Variants in ASAP1 observed in about 807,000 individuals in gnomAD.
The protein encoded by ASAP1 is arf-GAP with SH3 domain, ANK repeat and PH domain-containing protein 1.
A neutral mutation model predicts 145.2 loss-of-function variants in ASAP1; 43 were observed. The observed-to-expected ratio is 0.30, with a 90% CI of 0.23 to 0.38. ASAP1 has a LOEUF of 0.38. Ranked by LOEUF, ASAP1 falls within the 10% of genes least tolerant of loss-of-function variation. The pLI is 1.00. For synonymous variants in ASAP1, 546 were observed against 515.5 expected, an observed-to-expected ratio of 1.06 and a Z score of -0.80; for missense variants, 1,018 against 1,355.3, an observed-to-expected ratio of 0.75 and a Z score of 3.91.
intron 7 of ASAP1, among the ~76,000 whole-genome samples, chr8:130,186,073 T>C (rs1242284499): frequency 6.6e-6 from 1 of 152,170 alleles, no homozygotes; most frequent in Non-Finnish European, 1.5e-5. Flanking sequence ...TTCTAAGTAC[T>C]TAATTCTATT....
chr8:130,419,977 A>T (rs1390538047), intron 1 of ASAP1, among the ~76,000 whole-genome samples: 4 of 147,162 alleles, frequency 2.7e-5, no homozygotes, highest in African/African-American at 1.0e-4. Context: ...TTTAATAGAG[A>T]TGGGGGTCTT....
intron 3 of ASAP1, among the ~76,000 whole-genome samples, chr8:130,290,325 G>A (rs1361081170): frequency 2.0e-5 from 3 of 152,160 alleles, no homozygotes; most frequent in Non-Finnish European, 4.4e-5. Context: ...GATGGTTCAG[G>A]TGAAACAGCA....
intron 3 of ASAP1, among the ~76,000 whole-genome samples, chr8:130,280,186 G>A (rs1005084859): frequency 2.0e-5 from 3 of 152,176 alleles, no homozygotes; most frequent in Non-Finnish European, 2.9e-5. Context: ...GAACAAAGAT[G>A]ATTTTACCAG....
intron 3 of ASAP1, among the ~76,000 whole-genome samples, chr8:130,316,128 TC>T (rs1823648868): frequency 6.6e-6 from 1 of 152,246 alleles, no homozygotes; most frequent in Admixed American, 6.5e-5. Context: ...TTTTCTACTG[TC>T]TGTTCCCATC....
intron 3 of ASAP1, among the ~76,000 whole-genome samples, chr8:130,351,936 T>C (rs1011937904): frequency 6.6e-6 from 1 of 152,210 alleles, no homozygotes; most frequent in East Asian, 1.9e-4. Flanking sequence ...AGTTCCAACA[T>C]ATACAATTTC....
chr8:130,121,402 C>G (rs1482767151), intron 18 of ASAP1, among the ~76,000 whole-genome samples: 1 of 152,254 alleles, frequency 6.6e-6, no homozygotes, highest in Middle Eastern at 3.4e-3. Context: ...AGCACCTGTC[C>G]AAGTCATGAC....
chr8:130,108,964 G>T (rs572099826), intron 24 of ASAP1, among the ~76,000 whole-genome samples: 105 of 151,670 alleles, frequency 6.9e-4, no homozygotes, highest in Non-Finnish European at 1.2e-3. Context: ...TAGTAGAGAC[G>T]GGGTTTCTCC....
rs564002800 is a variant in ASAP1, at chr8:130,101,151, A to G, written c.2402-9008T>C. On this transcript the variant is annotated intron_variant, in intron 24 of 29. Transcript: ENST00000518721. ...TCCACTGGTCTATGCATTTGTTTTT[A>G]CACCAATACAAAGCTGTTCTGGTTA... Among the ~76,000 whole-genome samples, 9 of 152,322 alleles carry G rather than the reference A, an allele frequency of 5.9e-5. No individual in the cohort carries two copies. The South Asian group carries it at 1.4e-3, about 25-fold the overall frequency.
chr8:130,234,226 C>T (rs1057224960), intron 4 of ASAP1, among the ~76,000 whole-genome samples: 3 of 152,100 alleles, frequency 2.0e-5, no homozygotes, highest in Non-Finnish European at 4.4e-5. Flanking sequence ...CAATATGGCA[C>T]CCACTAGTCA....
At chr8:130,117,882 G>A (rs886631503) in intron 20 of ASAP1, among the ~76,000 whole-genome samples, 15 of 152,282 alleles carry the variant, frequency 9.9e-5, no homozygotes, top group Middle Eastern at 3.4e-3. Context: ...GCCATATCTG[G>A]TTCACTGTCT....
rs569689167 is a variant in ASAP1 at position 130,425,983 on chromosome 8, C to T, written c.-28+17477G>A. On this transcript the variant is annotated intron_variant, in intron 1 of 29. Coordinates refer to ENST00000518721, the MANE Select transcript of ASAP1 (RefSeq NM_018482.4). ...TGCTTCCACTCTCACCAGCATTAAG[C>T]ATTTGCAGACAGCAAATACTGCTTG... is the stretch of plus-strand genomic sequence containing the variant. 8.5e-5 allele frequency among the ~76,000 whole-genome samples: 13 copies of T among 152,338 alleles called. No individual in the cohort carries two copies. The South Asian group carries it at 1.0e-3, about 12-fold the overall frequency.
At chr8:130,291,813 C>T (rs1158105708) in intron 3 of ASAP1, among the ~76,000 whole-genome samples, 1 of 152,156 alleles carries the variant, frequency 6.6e-6, no homozygotes, top group Non-Finnish European at 1.5e-5. Context: ...TTAAAGTTCT[C>T]CAAACTGTGG....
chr8:130,162,767 G>A (rs1192026747), intron 11 of ASAP1, among the ~76,000 whole-genome samples: 1 of 150,630 alleles, frequency 6.6e-6, no homozygotes, highest in East Asian at 2.0e-4. Context: ...GCAGTGAACC[G>A]AGATTGCGCC....
Position 130,360,514 on chromosome 8 carries a change from A to T in ASAP1, c.60-2371T>A, listed in dbSNP as rs1826661508. ...GCACTGTGCCTCCAGCGAGATGCTC[A>T]TCAATGTCCTCTAAGAGGCCATGCT... On this transcript the variant is annotated intron_variant, in intron 2 of 29. Transcript: ENST00000518721. Among the ~76,000 whole-genome samples the T allele has an allele frequency of 3.3e-5, 5 of 152,232 alleles. No individual in the cohort carries two copies. The South Asian group carries it at 1.0e-3, about 32-fold the overall frequency.
chr8:130,150,954 A>C (rs1029538217), intron 13 of ASAP1, among the ~76,000 whole-genome samples: 1 of 152,176 alleles, frequency 6.6e-6, no homozygotes, highest in Non-Finnish European at 1.5e-5. Flanking sequence ...AGAAATGTTC[A>C]CTCTGGCATA....
chr8:130,237,675 ATTG>A (rs777492617), intron 3 of ASAP1, among the ~76,000 whole-genome samples: 6 of 152,010 alleles, frequency 3.9e-5, no homozygotes, highest in Non-Finnish European at 7.4e-5. Context: ...CTAGGAGTCT[ATTG>A]TTGTTGATTC....
At chr8:130,334,085 A>C (rs1296100759) in intron 3 of ASAP1, among the ~76,000 whole-genome samples, 1 of 152,170 alleles carries the variant, frequency 6.6e-6, no homozygotes, top group African/African-American at 2.4e-5. Context: ...GTACAGGAGG[A>C]GGCAAGGAGA....
chr8:130,223,476 TA>T (rs1243693547), intron 4 of ASAP1, among the ~76,000 whole-genome samples: 2 of 152,234 alleles, frequency 1.3e-5, no homozygotes, highest in Admixed American at 6.5e-5. Flanking sequence ...GTTCTGATGC[TA>T]ATGGATGCTA....
chr8:130,276,416 G>T (rs907479612), intron 3 of ASAP1, among the ~76,000 whole-genome samples: 1 of 152,128 alleles, frequency 6.6e-6, no homozygotes, highest in Non-Finnish European at 1.5e-5. Context: ...TCTTAACTAT[G>T]AATTCAAAAT....
Sources: gnomAD v4.1 joint callset for allele counts (sites outside exome capture counted in the v4.1 genomes callset) on GRCh38, gnomAD v4.1.1 for gene constraint, MANE v1.5 for transcripts, NCBI Gene and HGNC (gene_info 2026-07-23, HGNC 2026-07-21) for gene names.